Variants in PTPRN2 observed in about 807,000 individuals in gnomAD.
PTPRN2 encodes the protein receptor-type tyrosine-protein phosphatase N2.
PTPRN2 carries 74 observed loss-of-function variants against 118.8 expected under a neutral mutation model. That is an observed-to-expected ratio of 0.62 (90% CI 0.52 to 0.76). PTPRN2 has a LOEUF of 0.76. Ranked by LOEUF, PTPRN2 falls within the 30% of genes least tolerant of loss-of-function variation. PTPRN2 has a pLI of 0.00. For synonymous variants in PTPRN2, 641 were observed against 608.0 expected (o/e 1.05, Z -0.80); for missense variants, 1,481 against 1,394.4 (o/e 1.06, Z -0.99).
intron 11 of PTPRN2, among the ~76,000 whole-genome samples, chr7:158,023,645 T>C (rs1447772690): frequency 1.3e-5 from 2 of 152,138 alleles, no homozygotes; most frequent in Non-Finnish European, 2.9e-5. Context: ...GACAGTTGCG[T>C]AGAGACCCTG....
At chr7:157,722,829 T>C (rs13231216) in intron 12 of PTPRN2, among the ~76,000 whole-genome samples, 1 of 151,718 alleles carries the variant, frequency 6.6e-6, no homozygotes. Context: ...CGGTGCAGGG[T>C]GGGGCTCTGC....
chr7:157,895,869 G>T (rs74430919), intron 12 of PTPRN2, among the ~76,000 whole-genome samples: 6,862 of 152,200 alleles, frequency 0.045, 225 homozygotes, highest in Non-Finnish European at 0.068. Flanking sequence ...CCAGTGGTGC[G>T]GGTCCTGGGA....
intron 12 of PTPRN2, among the ~76,000 whole-genome samples, chr7:157,789,153 G>C (rs1804269331): frequency 6.6e-6 from 1 of 152,216 alleles, no homozygotes; most frequent in Non-Finnish European, 1.5e-5. Context: ...CTTCCGGCGG[G>C]CTGGTCCTCT....
chr7:157,942,339 C>T (rs1346915869), intron 11 of PTPRN2, among the ~76,000 whole-genome samples: 1 of 152,186 alleles, frequency 6.6e-6, no homozygotes, highest in Admixed American at 6.5e-5. Flanking sequence ...AGCCTTCACC[C>T]TAGTTTTGCT....
intron 2 of PTPRN2, among the ~76,000 whole-genome samples, chr7:158,364,641 C>T (rs1809288966): frequency 6.6e-6 from 1 of 151,920 alleles, no homozygotes; most frequent in African/African-American, 2.4e-5. Flanking sequence ...GTGAGGATCT[C>T]CATGCATAAT....
intron 12 of PTPRN2, among the ~76,000 whole-genome samples, chr7:157,827,827 C>T (rs1400233707): frequency 6.6e-6 from 1 of 152,242 alleles, no homozygotes; most frequent in African/African-American, 2.4e-5. Context: ...TCAGGGACGG[C>T]CACCGTGTCA....
At chr7:158,376,295 GA>G (rs1810498383) in intron 2 of PTPRN2, among the ~76,000 whole-genome samples, 1 of 147,278 alleles carries the variant, frequency 6.8e-6, no homozygotes, top group Non-Finnish European at 1.5e-5. Context: ...CACGTCCTGA[GA>G]GGGGGGTCAG....
At chr7:157,961,446 T>C (rs1007447863) in intron 11 of PTPRN2, among the ~76,000 whole-genome samples, 2 of 151,840 alleles carry the variant, frequency 1.3e-5, no homozygotes, top group African/African-American at 4.8e-5. Context: ...GGCAGGAGAA[T>C]TGCTTGAACC....
chr7:158,568,447 G>C (rs1294787766), intron 1 of PTPRN2, among the ~76,000 whole-genome samples: 1 of 151,342 alleles, frequency 6.6e-6, no homozygotes, highest in Non-Finnish European at 1.5e-5. Context: ...TGGAGACCTT[G>C]GTTTGGAGAA....
chr7:157,707,756 C>T (rs577956977), intron 12 of PTPRN2, among the ~76,000 whole-genome samples: 2 of 152,120 alleles, frequency 1.3e-5, no homozygotes, highest in Non-Finnish European at 2.9e-5. Flanking sequence ...CGCACCACTA[C>T]GCCCAGCTAA....
Position 158,361,310 on chromosome 7 carries a change from CCG to C in PTPRN2, c.164-44380_164-44379del, listed in dbSNP as rs1808928005. Among the ~76,000 whole-genome samples the C allele has an allele frequency of 2.2e-4, 12 of 54,572 alleles. 4 individuals are homozygous for C. Among genetic ancestry groups the C allele is most frequent in the South Asian group, 1.8e-3 (2 of 1,134 alleles). 35.8% of individuals were successfully genotyped at this position (54,572 alleles called of 152,430 possible). A position where few individuals can be genotyped will look rare whatever the true frequency, so the allele number is the denominator to read the frequency against. On this transcript the variant is annotated intron_variant, in intron 2 of 22. Transcript: ENST00000389418. ...CCCACACCCTGGCAACCCACAGACC[CCG>C]TGTCCACCCTCACCTGGGACGACTC...
intron 1 of PTPRN2, among the ~76,000 whole-genome samples, chr7:158,547,857 A>G (rs966264020): frequency 6.6e-6 from 1 of 152,366 alleles, no homozygotes; most frequent in Non-Finnish European, 1.5e-5. Flanking sequence ...TCTCAAGGAC[A>G]TGGGCTGGCC....
intron 13 of PTPRN2, 140 bp downstream of exon 13, chr7:157,682,585 C>T (rs1796964976): frequency 2.3e-6 from 2 of 854,720 alleles, no homozygotes. Flanking sequence ...TGAGAAGTTC[C>T]AAACTGTCCT....
intron 11 of PTPRN2, among the ~76,000 whole-genome samples, chr7:157,950,752 C>T (rs983668203): frequency 6.6e-6 from 1 of 152,138 alleles, no homozygotes; most frequent in African/African-American, 2.4e-5. Flanking sequence ...GTGAAAGCGC[C>T]TTCTTTCCAT....
At chr7:158,149,116 CTCAA>C (rs1563514542) in intron 6 of PTPRN2, among the ~76,000 whole-genome samples, 2 of 149,660 alleles carry the variant, frequency 1.3e-5, no homozygotes, top group Non-Finnish European at 1.5e-5. Flanking sequence ...GTCTTTCCCC[CTCAA>C]TGACACCCCA....
intron 12 of PTPRN2, among the ~76,000 whole-genome samples, chr7:157,688,517 G>A (rs188282637): frequency 6.6e-6 from 1 of 152,304 alleles, no homozygotes; most frequent in East Asian, 1.9e-4. Context: ...AGACTCAGCG[G>A]ATCACACTTA....
At chr7:158,146,736 G>A (rs978618634) in intron 6 of PTPRN2, among the ~76,000 whole-genome samples, 13 of 148,402 alleles carry the variant, frequency 8.8e-5, no homozygotes, top group Admixed American at 1.3e-4. Flanking sequence ...AAAAAAAAAA[G>A]AAAGAAAAAA....
At chr7:158,367,343 C>G (rs1476063051) in intron 2 of PTPRN2, among the ~76,000 whole-genome samples, 1 of 152,250 alleles carries the variant, frequency 6.6e-6, no homozygotes, top group Admixed American at 6.5e-5. Flanking sequence ...GTGTTCTCAC[C>G]TGTAAAATAC....
At chr7:157,913,249 T>G (rs1798198368) in intron 11 of PTPRN2, among the ~76,000 whole-genome samples, 2 of 152,194 alleles carry the variant, frequency 1.3e-5, no homozygotes, top group Non-Finnish European at 2.9e-5. Context: ...ACAGCTGACT[T>G]TTGCATGATT....
Sources: allele counts gnomAD v4.1 joint callset (sites outside exome capture counted in the v4.1 genomes callset), GRCh38; gene constraint gnomAD v4.1.1; transcripts MANE v1.5; gene names NCBI Gene and HGNC (gene_info 2026-07-23, HGNC 2026-07-21).